The following SPAG5 variants were observed in gnomAD, a reference collection of about 807,000 sequenced individuals.
The protein encoded by SPAG5 is sperm-associated antigen 5.
In SPAG5, 99 loss-of-function variants were observed where a neutral mutation model predicts 145.4. The observed-to-expected ratio is 0.68, with a 90% confidence interval of 0.58 to 0.80. The LOEUF (loss-of-function observed/expected upper bound fraction) is 0.80. Among genes scored for constraint, SPAG5 ranks in the 30% least tolerant of loss-of-function variants. The pLI, the probability that SPAG5 is intolerant of heterozygous loss-of-function variation, is 0.00. For missense variants in SPAG5, 1,192 were observed against 1,416.0 expected (o/e 0.84, Z 2.54); for synonymous variants, 477 against 525.4 (o/e 0.91, Z 1.26).
At chr17:28,598,754 C>G in intron 1 of SPAG5, 119 bp from the exon 2 acceptor site, 1 of 1,514,544 alleles carries the variant, frequency 6.6e-7, no homozygotes, top group Admixed American at 1.8e-5. Context: ...GCACCCTAGT[C>G]GCGCAGGAGC....
rs958285122 is a variant in SPAG5, at chr17:28,592,530, G to A, written c.714C>T (p.Asn238=). The A allele has an allele frequency of 1.7e-5, 27 of 1,614,076 alleles. No individual in the cohort carries two copies. Among genetic ancestry groups the A allele is most frequent in the South Asian group, 7.7e-5 (7 of 91,090 alleles). Residue 238 remains asparagine (N), a synonymous_variant, in exon 3 of 24, where the codon AAC becomes AAT. Coordinates refer to ENST00000321765, the MANE Select transcript of SPAG5 (RefSeq NM_006461.4). ...AGAGAACAGAGGAAGGCAAGAAGGC[G>A]TTACTTTCAGAAGGTACTAAGTCCT... is the stretch of plus-strand genomic sequence containing the variant. ...VREDLVPSES[N]AFLPSSVLWL...
chr17:28,592,263 A>G lies in SPAG5; in HGVS notation c.981T>C (p.Asp327=). The G allele has an allele frequency of 1.2e-6, 2 of 1,614,108 alleles. No homozygotes were observed. The highest frequency in any genetic ancestry group is 1.7e-6 in the Non-Finnish European group (2 of 1,180,014). ...TATCAGAGCCAAGAATCCTACCAAC[A>G]TCTTCTACTGCTGGGCCTGGAGCTT... ...SQEAPGPAVE[D]VGRILGSDTE... Residue 327 remains aspartate (D), a synonymous_variant, in exon 3 of 24, where the codon GAT becomes GAC. Transcript: ENST00000321765.
In SPAG5 at chr17:28,584,761, G is replaced by A; in HGVS notation, c.2068-16C>T. 1 of 1,581,754 alleles carries A rather than the reference G, an allele frequency of 6.3e-7. No individual in the cohort carries two copies. ...CCCTAGAAACCTAGGAAGAACAGAT[G>A]GTTTTCCTCCTATAGTTCCTCCTGA... On this transcript the variant is annotated splice_polypyrimidine_tract_variant and intron_variant, in intron 10 of 23. Transcript: ENST00000321765.
rs1261749563 is a variant in SPAG5, at chr17:28,578,189, T to A, written c.3429+29A>T. On this transcript the variant is annotated intron_variant, in intron 22 of 23. Coordinates refer to ENST00000321765, the MANE Select transcript of SPAG5 (RefSeq NM_006461.4). Reference sequence around the variant, plus strand: ...GGCATTTGTTAACGATGGTAGGAAATGGCCCTGGAATGGCATGGACATTCT... The same window carrying A: ...GGCATTTGTTAACGATGGTAGGAAAAGGCCCTGGAATGGCATGGACATTCT... 4 of 1,613,130 alleles carry A rather than the reference T, an allele frequency of 2.5e-6. No homozygotes were observed. In the African/African-American group the frequency reaches 5.3e-5, roughly 22 times the overall value.
At chr17:28,598,725 C>A in intron 1 of SPAG5, 90 bp from the exon 2 acceptor site, 1 of 1,535,360 alleles carries the variant, frequency 6.5e-7, no homozygotes. Flanking sequence ...GCCCAAAATG[C>A]GATTAGAAGA....
intron 4 of SPAG5, among the ~76,000 whole-genome samples, chr17:28,589,102 A>T (rs904988564): frequency 1.1e-3 from 154 of 146,110 alleles, no homozygotes; most frequent in African/African-American, 3.7e-3. Context: ...ATTTAAAATA[A>T]TTTTTTTTTT....
At chr17:28,577,936 G>C in intron 23 of SPAG5, 74 bp downstream of exon 23, 4 of 1,350,850 alleles carry the variant, frequency 3.0e-6, no homozygotes, top group Non-Finnish European at 4.2e-6. Context: ...AACCAGATCT[G>C]TGCTCATTAG....
chr17:28,598,394 A>G, intron 2 of SPAG5, 116 bp downstream of exon 2: 1 of 1,287,316 alleles, frequency 7.8e-7, no homozygotes. Context: ...AATGGATGTC[A>G]CCGACGTAGA....
chr17:28,580,363 A>C, intron 15 of SPAG5: 1 of 261,288 alleles, frequency 3.8e-6, no homozygotes, highest in Non-Finnish European at 7.2e-6. Context: ...CTTACCTTAA[A>C]TCCCCTTTTA....
At chr17:28,579,294 G>A (rs1413318132) in intron 18 of SPAG5, 42 bp from the exon 19 acceptor site, 2 of 1,613,492 alleles carry the variant, frequency 1.2e-6, no homozygotes, top group Non-Finnish European at 1.7e-6. Context: ...GTCCTCTCAG[G>A]GATCAGTTGG....
chr17:28,578,441 G>A lies in SPAG5; in HGVS notation c.3286C>T (p.Gln1096Ter). The A allele has an allele frequency of 6.2e-7, 1 of 1,614,074 alleles. No homozygotes were observed. Among genetic ancestry groups the A allele is most frequent in the Non-Finnish European group, 8.5e-7 (1 of 1,180,032 alleles). Residue 1096 changes from glutamine to a stop codon, truncating the protein, a stop_gained, in exon 21 of 24, where the codon CAG becomes TAG. Coordinates refer to ENST00000321765, the MANE Select transcript of SPAG5 (RefSeq NM_006461.4). LOFTEE classifies it high-confidence loss of function. The stretch of plus-strand genomic sequence containing the variant: ...ATAGGCTGGCAGTTGGAGTCCAGCT[G>A]GCCTGCCAGGGCCTCCTGGAGCACT... Reference protein sequence around the residue: ...TKVLQEALAGQLDSNCQPMAT... With the variant: ...TKVLQEALAG
At chr17:28,579,031 A>G in intron 19 of SPAG5, 110 bp downstream of exon 19, 4 of 910,194 alleles carry the variant, frequency 4.4e-6, no homozygotes, top group Non-Finnish European at 6.8e-6. Flanking sequence ...AAACTAGGGC[A>G]GTGGTTGGAA....
At chr17:28,584,308 C>A (rs1445291417) in intron 12 of SPAG5, 25 bp downstream of exon 12, 5 of 1,614,066 alleles carry the variant, frequency 3.1e-6, no homozygotes, top group Admixed American at 3.3e-5. Flanking sequence ...ATGCCTACTG[C>A]CACAGTACCC....
At chr17:28,598,664 G>A (rs976665144) in intron 1 of SPAG5, 29 bp from the exon 2 acceptor site, 1 of 1,574,562 alleles carries the variant, frequency 6.4e-7, no homozygotes, top group African/African-American at 1.4e-5. Context: ...AAGAGGGCGA[G>A]TGTGAGGAAG....
At chr17:28,590,425 T>G (rs370610430) in intron 4 of SPAG5, among the ~76,000 whole-genome samples, 9 of 152,008 alleles carry the variant, frequency 5.9e-5, no homozygotes, top group African/African-American at 2.2e-4. Flanking sequence ...AGATGAGGTT[T>G]CACCATACTT....
chr17:28,585,068 C>A, intron 10 of SPAG5, 34 bp downstream of exon 10: 2 of 1,574,092 alleles, frequency 1.3e-6, no homozygotes. Flanking sequence ...AGGAAGGAAA[C>A]CAAGCCTAAG....
rs1364529673 is a variant in SPAG5, at chr17:28,591,883, A to T, written c.1263-11T>A. Reference sequence around the variant, plus strand: ...AGATCTGGAGGCCGGCTGCAGCAGAAAGAGAAGAACATGACGAAAAGAAAA... The same window carrying T: ...AGATCTGGAGGCCGGCTGCAGCAGATAGAGAAGAACATGACGAAAAGAAAA... On this transcript the variant is annotated splice_polypyrimidine_tract_variant and intron_variant, in intron 3 of 23. Coordinates refer to ENST00000321765, the MANE Select transcript of SPAG5 (RefSeq NM_006461.4). 1 of 1,613,222 alleles carries T rather than the reference A, an allele frequency of 6.2e-7. No homozygotes were observed. The highest frequency in any genetic ancestry group is 1.3e-5 in the African/African-American group (1 of 74,906).
chr17:28,577,775 G>A lies in SPAG5; in HGVS notation c.3511-5C>T. 9.9e-6 allele frequency: 16 copies of A among 1,612,716 alleles called. No individual in the cohort carries two copies. Among genetic ancestry groups the A allele is most frequent in the Non-Finnish European group, 1.4e-5 (16 of 1,178,750 alleles). On this transcript the variant is annotated splice_region_variant and splice_polypyrimidine_tract_variant and intron_variant, in intron 23 of 23. Transcript: ENST00000321765. ...CTCTGGAATAGAGAGCAGGGTCTGG[G>A]AAGAGAGGCAGAAAACGCAGCTCAG...
intron 15 of SPAG5, among the ~76,000 whole-genome samples, chr17:28,582,224 G>A (rs2070553754): frequency 6.6e-6 from 1 of 152,148 alleles, no homozygotes; most frequent in Non-Finnish European, 1.5e-5. Context: ...CCTCAGACTT[G>A]CTGCATTCCA....
Sources: allele counts gnomAD v4.1 joint callset (sites outside exome capture counted in the v4.1 genomes callset), GRCh38; gene constraint gnomAD v4.1.1; transcripts MANE v1.5; gene names NCBI Gene and HGNC (gene_info 2026-07-23, HGNC 2026-07-21).